CSMD1: variants seen among roughly 807,000 people sequenced by gnomAD.
The protein encoded by CSMD1 is CUB and sushi domain-containing protein 1.
In CSMD1, 213 loss-of-function variants were observed where a neutral mutation model predicts 417.5. That is an observed-to-expected ratio of 0.51 (90% CI 0.46 to 0.57). The LOEUF (loss-of-function observed/expected upper bound fraction) is 0.57. CSMD1 is among the 20% of genes least tolerant of loss of function. The pLI is 0.00. For synonymous variants in CSMD1, 2,862 were observed against 1,736.8 expected (o/e 1.65, Z -16.11); for missense variants, 6,923 against 4,529.7 (o/e 1.53, Z -15.17).
chr8:4,993,266 A>T lies in CSMD1; in HGVS notation c.85+1066T>A, dbSNP rs181658026. ...GAAACGAAAGAAAAACCCTTTGTAGATACAGATACTCCCGGGAACATCTAT... is the reference window on the plus strand; with the variant it reads ...GAAACGAAAGAAAAACCCTTTGTAGTTACAGATACTCCCGGGAACATCTAT... On this transcript the variant is annotated intron_variant, in intron 1 of 69. Transcript: ENST00000635120. Among the ~76,000 whole-genome samples the T allele has an allele frequency of 1.3e-5, 2 of 152,218 alleles. 1 individual carries two copies. Among genetic ancestry groups the T allele is most frequent in the African/African-American group, 4.8e-5 (2 of 41,460 alleles).
At chr8:3,497,529 T>C (rs1247808710) in intron 10 of CSMD1, among the ~76,000 whole-genome samples, 2 of 152,130 alleles carry the variant, frequency 1.3e-5, no homozygotes, top group Non-Finnish European at 2.9e-5. Context: ...CTCACCCTTC[T>C]AGGTATCTGG....
chr8:3,082,310 G>T (rs532018080), intron 49 of CSMD1, among the ~76,000 whole-genome samples: 1 of 152,270 alleles, frequency 6.6e-6, no homozygotes, highest in Non-Finnish European at 1.5e-5. Flanking sequence ...GTCTCGTCAA[G>T]CAAGGACAAA....
chr8:4,070,453 G>C (rs973135925), intron 3 of CSMD1, among the ~76,000 whole-genome samples: 81 of 152,218 alleles, frequency 5.3e-4, no homozygotes, highest in African/African-American at 1.8e-3. Flanking sequence ...CGCCTCCCGG[G>C]TTCACACCAT....
intron 1 of CSMD1, among the ~76,000 whole-genome samples, chr8:4,704,109 C>T (rs1295667832): frequency 6.6e-6 from 1 of 152,174 alleles, no homozygotes; most frequent in Non-Finnish European, 1.5e-5. Context: ...ACGTCTGATA[C>T]AGGCCTTCAT....
At chr8:3,749,194 G>A (rs1035880105) in intron 6 of CSMD1, among the ~76,000 whole-genome samples, 2 of 152,092 alleles carry the variant, frequency 1.3e-5, no homozygotes, top group South Asian at 2.1e-4. Context: ...AATTAATGAT[G>A]GAGGCAACAT....
At chr8:4,838,943 A>T (rs796520143) in intron 1 of CSMD1, among the ~76,000 whole-genome samples, 38 of 152,360 alleles carry the variant, frequency 2.5e-4, no homozygotes, top group African/African-American at 8.4e-4. Context: ...GACAAATTTG[A>T]CAAATTCAGC....
intron 5 of CSMD1, among the ~76,000 whole-genome samples, chr8:3,849,150 G>C (rs544498485): frequency 6.6e-6 from 1 of 152,106 alleles, no homozygotes; most frequent in Non-Finnish European, 1.5e-5. Flanking sequence ...ATGATAAATG[G>C]AGGTGTCTTA....
intron 5 of CSMD1, among the ~76,000 whole-genome samples, chr8:3,895,460 C>T (rs769695486): frequency 1.3e-5 from 2 of 151,934 alleles, no homozygotes. Context: ...TAAATCTTAG[C>T]AGACAAAAAA....
intron 3 of CSMD1, among the ~76,000 whole-genome samples, chr8:4,416,455 C>A (rs1554469020): frequency 1.3e-5 from 2 of 151,878 alleles, no homozygotes; most frequent in Non-Finnish European, 2.9e-5. Context: ...AAATTATATT[C>A]ATAATAAACA....
At chr8:4,812,546 A>G (rs1466272485) in intron 1 of CSMD1, among the ~76,000 whole-genome samples, 2 of 152,186 alleles carry the variant, frequency 1.3e-5, no homozygotes, top group African/African-American at 4.8e-5. Context: ...ACAAAATATC[A>G]CATATACCAC....
chr8:3,202,307 T>A (rs1404881162), intron 31 of CSMD1, among the ~76,000 whole-genome samples: 1 of 152,258 alleles, frequency 6.6e-6, no homozygotes, highest in African/African-American at 2.4e-5. Context: ...AAGATTATTA[T>A]AATGCCAAAT....
At chr8:4,788,231 T>A in intron 1 of CSMD1, 3 of 1,589,930 alleles carry the variant, frequency 1.9e-6, no homozygotes, top group Non-Finnish European at 2.6e-6. Flanking sequence ...AAGGACCAGA[T>A]GAAACTCTGA....
chr8:4,469,087 G>C (rs755259296), intron 2 of CSMD1, among the ~76,000 whole-genome samples: 1 of 152,148 alleles, frequency 6.6e-6, no homozygotes, highest in Non-Finnish European at 1.5e-5. Context: ...TTACACAGAA[G>C]ACCTGTTTGA....
At chr8:4,338,314 A>G (rs1192421110) in intron 3 of CSMD1, among the ~76,000 whole-genome samples, 1 of 152,162 alleles carries the variant, frequency 6.6e-6, no homozygotes, top group Non-Finnish European at 1.5e-5. Context: ...TTAGTTACAC[A>G]TTTACCTCGT....
chr8:4,328,204 C>G (rs1190477483), intron 3 of CSMD1, among the ~76,000 whole-genome samples: 1 of 151,294 alleles, frequency 6.6e-6, no homozygotes, highest in African/African-American at 2.4e-5. Flanking sequence ...TGTATTTGAC[C>G]CAAATTCTAC....
chr8:4,638,172 G>C (rs1802956786), intron 1 of CSMD1, among the ~76,000 whole-genome samples: 1 of 152,088 alleles, frequency 6.6e-6, no homozygotes, highest in African/African-American at 2.4e-5. Context: ...CAGTTCATGG[G>C]GGAACAAATT....
chr8:4,695,182 C>T (rs921802632), intron 1 of CSMD1, among the ~76,000 whole-genome samples: 10 of 152,002 alleles, frequency 6.6e-5, no homozygotes, highest in African/African-American at 1.9e-4. Flanking sequence ...CTTTATTTCT[C>T]GAAGTTATTT....
At chr8:4,108,039 GAAAGAGAGACAGAGAC>G (rs1239710285) in intron 3 of CSMD1, among the ~76,000 whole-genome samples, 3 of 144,882 alleles carry the variant, frequency 2.1e-5, no homozygotes, top group African/African-American at 8.4e-5. Context: ...GAGAGAGAGA[GAAAGAGAGACAGAGAC>G]AGAGACAGAG....
At chr8:3,623,781 G>C (rs772566760) in intron 7 of CSMD1, among the ~76,000 whole-genome samples, 7 of 152,032 alleles carry the variant, frequency 4.6e-5, no homozygotes, top group Non-Finnish European at 8.8e-5. Context: ...TTCAAGACTA[G>C]ACTGAACAAC....
Sources: allele counts gnomAD v4.1 joint callset (sites outside exome capture counted in the v4.1 genomes callset), GRCh38; gene constraint gnomAD v4.1.1; transcripts MANE v1.5; gene names NCBI Gene and HGNC (gene_info 2026-07-23, HGNC 2026-07-21).